Variants in NLRC5 observed in about 807,000 individuals in gnomAD.
NLRC5 encodes NLR family CARD domain containing 5, also known as protein NLRC5.
In NLRC5, 114 loss-of-function variants were observed where a neutral mutation model predicts 206.9. The observed-to-expected ratio is 0.55, with a 90% CI of 0.47 to 0.64. The LOEUF (loss-of-function observed/expected upper bound fraction) is 0.64. Among genes scored for constraint, NLRC5 ranks in the 30% least tolerant of loss-of-function variants. The probability of loss-of-function intolerance (pLI) is 0.00; values close to 1 mark genes in which losing one functional copy is unlikely to be tolerated. For missense variants in NLRC5, 2,008 were observed against 2,305.5 expected (o/e 0.87, Z 2.64); for synonymous variants, 952 against 962.8 (o/e 0.99, Z 0.21).
intron 23 of NLRC5, among the ~76,000 whole-genome samples, chr16:57,048,826 A>G (rs1487536157): frequency 3.9e-5 from 6 of 152,132 alleles, no homozygotes; most frequent in Non-Finnish European, 8.8e-5. Context: ...GAGCCACTGC[A>G]CCTGGCCCAG....
At chr16:57,021,040 G>A (rs375166779) in intron 3 of NLRC5, 33 bp downstream of exon 3, 281 of 1,600,800 alleles carry the variant, frequency 1.8e-4, no homozygotes, top group Non-Finnish European at 2.1e-4. Flanking sequence ...CAAAGCAGCC[G>A]GGCCAGTACC....
At chr16:57,022,084 T>C (rs2060734712) in intron 3 of NLRC5, among the ~76,000 whole-genome samples, 172 bp from the exon 4 acceptor site, 1 of 152,232 alleles carries the variant, frequency 6.6e-6, no homozygotes, top group Non-Finnish European at 1.5e-5. Flanking sequence ...AGCACTGCCT[T>C]CAAAGCTCAC....
rs765755141 is a variant in NLRC5, at chr16:57,026,277, C to T, written c.1334C>T (p.Ala445Val). The T allele has an allele frequency of 1.2e-6, 2 of 1,614,020 alleles. No individual in the cohort carries two copies. The highest frequency in any genetic ancestry group is 1.7e-6 in the Non-Finnish European group (2 of 1,180,040). Reference sequence around the variant, plus strand: ...CAGCTCTATATGCAGATGGTGCTCGCCCTCAGCCCCCCTGGGCACTTGCCC... The same window carrying T: ...CAGCTCTATATGCAGATGGTGCTCGTCCTCAGCCCCCCTGGGCACTTGCCC... ...MTQLYMQMVL[A>V]LSPPGHLPTS... The change falls in exon 6 of 49, where the codon GCC becomes GTC. Residue 445 changes from alanine to valine, a missense_variant. Transcript: ENST00000688547.
chr16:57,070,124 G>A (rs766871474), intron 37 of NLRC5, among the ~76,000 whole-genome samples: 5 of 152,218 alleles, frequency 3.3e-5, no homozygotes, highest in African/African-American at 4.8e-5. Flanking sequence ...TCACAGAGGG[G>A]CTGTGGGCAT....
Position 57,029,863 on chromosome 16 carries a change from G to T in NLRC5, c.2327+7G>T. On this transcript the variant is annotated splice_region_variant and intron_variant, in intron 9 of 48. Transcript: ENST00000688547. ...CACGGCTCCGGAAGCTTGAGTAAGT[G>T]ATCTTTCCACTGCCTCTGCAGCCCA... 1 of 1,613,658 alleles carries T rather than the reference G, an allele frequency of 6.2e-7. No homozygotes were observed. The highest frequency in any genetic ancestry group is 1.1e-5 in the South Asian group (1 of 91,072).
rs183543527 is a variant in NLRC5 at position 57,074,764 on chromosome 16, G to A, written c.4751+81G>A. ...TTGGGACCACATCCAGGGAAGCACT[G>A]AGGCCACCTCCCAGGGGATCCTTTG... On this transcript the variant is annotated intron_variant, in intron 39 of 48. Coordinates refer to ENST00000688547, the MANE Select transcript of NLRC5 (RefSeq NM_001384950.1). 1.8e-3 allele frequency: 2,463 copies of A among 1,340,110 alleles called. 7 individuals carry two copies. The highest frequency in any genetic ancestry group is 2.4e-3 in the Non-Finnish European group (2,266 of 937,050). 83.0% of individuals were successfully genotyped at this position (1,340,110 alleles called of 1,614,324 possible). A position where few individuals can be genotyped will look rare whatever the true frequency, so the allele number is the denominator to read the frequency against.
At chr16:57,059,303 C>T (rs1178471038) in intron 29 of NLRC5, 164 bp from the exon 30 acceptor site, 8 of 1,464,658 alleles carry the variant, frequency 5.5e-6, no homozygotes, top group Non-Finnish European at 7.2e-6. Flanking sequence ...TATTGCCATG[C>T]TCACAGAATG....
intron 38 of NLRC5, among the ~76,000 whole-genome samples, chr16:57,073,846 G>A (rs2068056765): frequency 6.6e-6 from 1 of 152,202 alleles, no homozygotes; most frequent in African/African-American, 2.4e-5. Context: ...CACCCGCCTT[G>A]GCCTCACAAA....
intron 17 of NLRC5, among the ~76,000 whole-genome samples, 182 bp downstream of exon 17, chr16:57,040,900 C>T (rs1009259153): frequency 1.3e-5 from 2 of 151,900 alleles, no homozygotes; most frequent in Admixed American, 6.6e-5. Flanking sequence ...CCACCCCAGA[C>T]AGGGCTCACA....
chr16:57,046,476 C>T, intron 21 of NLRC5, 76 bp from the exon 22 acceptor site: 1 of 1,235,646 alleles, frequency 8.1e-7, no homozygotes. Flanking sequence ...CGATCCCCCT[C>T]CTAGGGGTAT....
chr16:57,067,612 C>T (rs1284628721), intron 35 of NLRC5, 124 bp from the exon 36 acceptor site: 4 of 1,325,350 alleles, frequency 3.0e-6, no homozygotes, highest in South Asian at 1.2e-5. Flanking sequence ...AGGGAGAGCC[C>T]CAGGGTGGCT....
At position 57,047,078 on chromosome 16, in the gene NLRC5, G is replaced by A. The variant is rs563812922; in HGVS notation, c.3338+437G>A. 3.3e-5 allele frequency among the ~76,000 whole-genome samples: 5 copies of A among 152,352 alleles called. 1 individual carries two copies. Among genetic ancestry groups the A allele is most frequent in the South Asian group, 2.1e-4 (1 of 4,830 alleles). Reference sequence around the variant, plus strand: ...TCTCTAGGCCTCCAGGGAAGTGGAGGCAAGTGAGGCCCTGGGAAGGACATT... The same window carrying A: ...TCTCTAGGCCTCCAGGGAAGTGGAGACAAGTGAGGCCCTGGGAAGGACATT... On this transcript the variant is annotated intron_variant, in intron 22 of 48. Coordinates refer to ENST00000688547, the MANE Select transcript of NLRC5 (RefSeq NM_001384950.1).
At chr16:56,996,185 T>C (rs1440870661) in intron 1 of NLRC5, among the ~76,000 whole-genome samples, 1 of 152,126 alleles carries the variant, frequency 6.6e-6, no homozygotes, top group Non-Finnish European at 1.5e-5. Context: ...TCTTTTTTTT[T>C]CTAGACAAGG....
At chr16:57,063,859 C>T (rs1468949011) in intron 32 of NLRC5, among the ~76,000 whole-genome samples, 1 of 152,100 alleles carries the variant, frequency 6.6e-6, no homozygotes, top group Non-Finnish European at 1.5e-5. Context: ...CTGCCTCAGC[C>T]TCCAGAGTAG....
Position 57,046,606 on chromosome 16 carries a change from A to G in NLRC5, c.3303A>G (p.Leu1101=). Residue 1101 remains leucine, a synonymous_variant, in exon 22 of 49, where the codon TTA becomes TTG. Coordinates refer to ENST00000688547, the MANE Select transcript of NLRC5 (RefSeq NM_001384950.1). The part of the protein sequence containing the change: ...LPDFPAAAKF[L]GFRQRCIPRS... ...ACTTCCCAGCTGCAGCCAAGTTCTTAGGGTTCCGTCAGCGCTGCATCCCCA... is the reference window on the plus strand; with the variant it reads ...ACTTCCCAGCTGCAGCCAAGTTCTTGGGGTTCCGTCAGCGCTGCATCCCCA... 1 of 1,613,952 alleles carries G rather than the reference A, an allele frequency of 6.2e-7. No homozygotes were observed. The highest frequency in any genetic ancestry group is 8.5e-7 in the Non-Finnish European group (1 of 1,179,940).
At chr16:57,002,791 G>A (rs1254162609) in intron 1 of NLRC5, among the ~76,000 whole-genome samples, 1 of 151,788 alleles carries the variant, frequency 6.6e-6, no homozygotes, top group African/African-American at 2.4e-5. Flanking sequence ...ACAGGCATGG[G>A]GCGCCACTAC....
intron 4 of NLRC5, among the ~76,000 whole-genome samples, chr16:57,023,346 A>C (rs2060881836): frequency 6.6e-6 from 1 of 152,200 alleles, no homozygotes; most frequent in Non-Finnish European, 1.5e-5. Flanking sequence ...TGTGGGTGAT[A>C]AGAAATCGGG....
chr16:57,027,938 C>T (rs1401468671), intron 6 of NLRC5, 134 bp from the exon 7 acceptor site: 11 of 562,882 alleles, frequency 2.0e-5, no homozygotes, highest in Admixed American at 9.5e-5. Flanking sequence ...CTTTGGTGGA[C>T]GATTAGAAGT....
chr16:57,041,403 C>T, intron 17 of NLRC5, 82 bp from the exon 18 acceptor site: 1 of 1,169,190 alleles, frequency 8.6e-7, no homozygotes, highest in Non-Finnish European at 1.3e-6. Flanking sequence ...TTCTCTGCCT[C>T]TGTGTCTGGG....
Sources: allele counts gnomAD v4.1 joint callset (sites outside exome capture counted in the v4.1 genomes callset), GRCh38; gene constraint gnomAD v4.1.1; transcripts MANE v1.5; gene names NCBI Gene and HGNC (gene_info 2026-07-23, HGNC 2026-07-21).